Variants in MPHOSPH9 observed in about 807,000 individuals in gnomAD.
MPHOSPH9 encodes M-phase phosphoprotein 9.
Under a neutral mutation model 145.5 loss-of-function variants are expected in MPHOSPH9, and 88 were observed. The observed-to-expected ratio is 0.60, with a 90% CI of 0.51 to 0.72. The LOEUF is 0.72. Among genes scored for constraint, MPHOSPH9 ranks in the 30% least tolerant of loss-of-function variants. MPHOSPH9 has a pLI of 0.00. For synonymous variants in MPHOSPH9, 435 were observed against 486.2 expected (o/e 0.89, Z 1.39); for missense variants, 1,238 against 1,386.6 (o/e 0.89, Z 1.70).
Position 123,156,647 on chromosome 12 carries a change from T to A in MPHOSPH9, c.*160A>T. ...GCATAACAAAAATATCTTGAAAATA[T>A]GTGGCCATTTGAAGTATAAAATAGC... On this transcript the variant is annotated 3_prime_UTR_variant, in exon 24 of 24. Coordinates refer to ENST00000606320, the MANE Select transcript of MPHOSPH9 (RefSeq NM_022782.4). 2.2e-6 allele frequency: 1 copy of A among 456,060 alleles called. No homozygotes were observed. The allele number at this position is 456,060 out of a possible 1,614,324, so 28.3% of individuals were successfully genotyped here. A position where few individuals can be genotyped will look rare whatever the true frequency, so the allele number is the denominator to read the frequency against.
chr12:123,233,269 A>G (rs536961973), upstream of MPHOSPH9: 95 of 152,104 alleles, frequency 6.2e-4, no homozygotes, highest in African/African-American at 2.2e-3. Flanking sequence ...GAGACATCCA[A>G]CCCCGGGGGA....
Position 123,221,636 on chromosome 12 carries a change from C to G in MPHOSPH9, c.608G>C (p.Cys203Ser), listed in dbSNP as rs772341975. Residue 203 changes from cysteine (C) to serine (S), a missense_variant, in exon 5 of 24, where the codon TGT becomes TCT. Coordinates refer to ENST00000606320, the MANE Select transcript of MPHOSPH9 (RefSeq NM_022782.4). ...TTTGTACAGATTTAATTCTGAGATA[C>G]AAAAGGTGCCATATCCACTGCTTAC... ...CSVSSGYGTF[C>S]ISELNLYKSK... The G allele has an allele frequency of 1.6e-5, 26 of 1,614,056 alleles. No homozygotes were observed. In the Admixed American group the frequency reaches 3.2e-4, roughly 20 times the overall value.
chr12:123,216,940 G>A (rs919879337), intron 6 of MPHOSPH9, among the ~76,000 whole-genome samples: 1 of 151,188 alleles, frequency 6.6e-6, no homozygotes, highest in East Asian at 2.0e-4. Context: ...AGTGAGCTGA[G>A]ATTATGTCAC....
At chr12:123,219,698 C>G (rs1407162771) in intron 5 of MPHOSPH9, among the ~76,000 whole-genome samples, 1 of 152,016 alleles carries the variant, frequency 6.6e-6, no homozygotes, top group Non-Finnish European at 1.5e-5. Flanking sequence ...ATAAATCAAT[C>G]ATTATACTTG....
intron 13 of MPHOSPH9, among the ~76,000 whole-genome samples, chr12:123,188,578 T>G (rs1178349001): frequency 6.6e-6 from 1 of 152,216 alleles, no homozygotes; most frequent in Non-Finnish European, 1.5e-5. Context: ...CCAGGCACGG[T>G]GGCTCACGCC....
Position 123,217,433 on chromosome 12 carries a change from G to A in MPHOSPH9, c.996+943C>T, listed in dbSNP as rs1343158083. Among the ~76,000 whole-genome samples, 5 of 151,864 alleles carry A rather than the reference G, an allele frequency of 3.3e-5. No individual in the cohort carries two copies. The South Asian group carries it at 6.2e-4, about 19-fold the overall frequency. On this transcript the variant is annotated intron_variant, in intron 6 of 23. Transcript: ENST00000606320. The stretch of plus-strand genomic sequence containing the variant: ...AGGATGGTCTCGATCTCTTGACCTC[G>A]TGATCTGCCCACCCCGGCCTCCCAA...
intron 2 of MPHOSPH9, 27 bp downstream of exon 2, chr12:123,230,233 GT>G: frequency 8.3e-7 from 1 of 1,206,310 alleles, no homozygotes; most frequent in Non-Finnish European, 1.2e-6. Context: ...TTCTGATTTG[GT>G]ACATTTTTTT....
intron 12 of MPHOSPH9, among the ~76,000 whole-genome samples, chr12:123,197,917 AC>A (rs2046041962): frequency 6.7e-6 from 1 of 149,246 alleles, no homozygotes; most frequent in Non-Finnish European, 1.5e-5. Context: ...CCCCGTCTCT[AC>A]TAAAAAATAC....
upstream of MPHOSPH9, among the ~76,000 whole-genome samples, chr12:123,236,967 C>A (rs1363928171): frequency 6.6e-6 from 1 of 152,102 alleles, no homozygotes; most frequent in Non-Finnish European, 1.5e-5. Flanking sequence ...CGCCTGTAGT[C>A]CCAGCTACTT....
At chr12:123,158,618 G>T (rs1267971961) in intron 23 of MPHOSPH9, among the ~76,000 whole-genome samples, 1 of 151,748 alleles carries the variant, frequency 6.6e-6, no homozygotes, top group Non-Finnish European at 1.5e-5. Context: ...CCTAAGAAGA[G>T]AATCAAACTC....
At chr12:123,179,453 T>C (rs907831854) in intron 15 of MPHOSPH9, among the ~76,000 whole-genome samples, 21 of 152,242 alleles carry the variant, frequency 1.4e-4, no homozygotes, top group Non-Finnish European at 2.8e-4. Flanking sequence ...TACACTCCTG[T>C]AGTCCCAGCT....
Position 123,218,367 on chromosome 12 carries a change from G to A in MPHOSPH9, c.996+9C>T, listed in dbSNP as rs1780125229. ...CTGGAGCCCGCAGGGAAAGTGACTA[G>A]TCACCTACTTTCTCAATTGGTGTCT... On this transcript the variant is annotated intron_variant, in intron 6 of 23. Transcript: ENST00000606320. The A allele has an allele frequency of 6.2e-7, 1 of 1,613,844 alleles. No homozygotes were observed. The highest frequency in any genetic ancestry group is 1.7e-5 in the Admixed American group (1 of 60,002).
intron 21 of MPHOSPH9, 90 bp downstream of exon 21, chr12:123,162,025 G>A: frequency 1.3e-6 from 1 of 753,632 alleles, no homozygotes; most frequent in Non-Finnish European, 2.0e-6. Flanking sequence ...TTAAGTGCAA[G>A]ATATTATAAT....
At chr12:123,234,967 C>A (rs1010437126), upstream of MPHOSPH9, among the ~76,000 whole-genome samples, 3 of 152,036 alleles carry the variant, frequency 2.0e-5, no homozygotes, top group African/African-American at 7.2e-5. Context: ...TAAATTGGAC[C>A]ATACCAAGTA....
intron 12 of MPHOSPH9, among the ~76,000 whole-genome samples, chr12:123,197,118 A>T (rs2045991713): frequency 6.8e-6 from 1 of 146,830 alleles, no homozygotes; most frequent in Non-Finnish European, 1.5e-5. Context: ...ATATACTAAA[A>T]TTCATGGAAT....
intron 13 of MPHOSPH9, among the ~76,000 whole-genome samples, chr12:123,187,336 GA>G (rs1397022028): frequency 1.3e-5 from 2 of 151,788 alleles, no homozygotes; most frequent in Non-Finnish European, 2.9e-5. Flanking sequence ...TATACCTCGA[GA>G]AAAAAATGAA....
rs926858794 is a variant in MPHOSPH9 at position 123,181,187 on chromosome 12, A to G, written c.2265T>C (p.Leu755=). The stretch of plus-strand genomic sequence containing the variant: ...CCTTTACTCTCCTGTGTTCTTTTCC[A>G]AGGGACTCATACTCTCCTAAAAGCT... The part of the protein sequence containing the change: ...FQDLLGEYES[L]GKEHRRVKDA... Residue 755 remains leucine, a synonymous_variant, in exon 14 of 24, where the codon CTT becomes CTC. Coordinates refer to ENST00000606320, the MANE Select transcript of MPHOSPH9 (RefSeq NM_022782.4). 19 of 1,612,158 alleles carry G rather than the reference A, an allele frequency of 1.2e-5. No individual in the cohort carries two copies. Among genetic ancestry groups the G allele is most frequent in the Non-Finnish European group, 1.6e-5 (19 of 1,178,458 alleles).
At chr12:123,175,405 G>C (rs1001871957) in intron 16 of MPHOSPH9, among the ~76,000 whole-genome samples, 1 of 151,908 alleles carries the variant, frequency 6.6e-6, no homozygotes, top group African/African-American at 2.4e-5. Context: ...CGCCCGCCTC[G>C]GCCTCCCAAA....
In MPHOSPH9 at chr12:123,225,170, A is replaced by G. The variant is rs1016617774; in HGVS notation, c.259-2043T>C. Reference sequence around the variant, plus strand: ...TAAAAACAGAGCTCAGAGGCTGGGCACAGCGGCTCATGCCTGTAATTCTAG... The same window carrying G: ...TAAAAACAGAGCTCAGAGGCTGGGCGCAGCGGCTCATGCCTGTAATTCTAG... On this transcript the variant is annotated intron_variant, in intron 3 of 23. Coordinates refer to ENST00000606320, the MANE Select transcript of MPHOSPH9 (RefSeq NM_022782.4). Among the ~76,000 whole-genome samples, 6 of 152,308 alleles carry G rather than the reference A, an allele frequency of 3.9e-5. No homozygotes were observed. In the East Asian group the frequency reaches 1.2e-3, roughly 29 times the overall value.
Sources: allele counts gnomAD v4.1 joint callset (sites outside exome capture counted in the v4.1 genomes callset), GRCh38; gene constraint gnomAD v4.1.1; transcripts MANE v1.5; gene names NCBI Gene and HGNC (gene_info 2026-07-23, HGNC 2026-07-21).